KDM1B: variants seen among roughly 807,000 people sequenced by gnomAD.
KDM1B encodes the protein lysine-specific histone demethylase 2.
A neutral mutation model predicts 107.4 loss-of-function variants in KDM1B; 63 were observed. The observed-to-expected ratio is 0.59, with a 90% CI of 0.48 to 0.72. The LOEUF is 0.72. KDM1B is among the 30% of genes least tolerant of loss of function. The probability of loss-of-function intolerance (pLI) is 0.00; values close to 1 mark genes in which losing one functional copy is unlikely to be tolerated. For synonymous variants in KDM1B, 363 were observed against 363.9 expected (o/e 1.00, Z 0.03); for missense variants, 749 against 1,020.8 (o/e 0.73, Z 3.63).
In KDM1B at chr6:18,189,325, C is replaced by T. The variant is rs557916277; in HGVS notation, c.784+1323C>T. Among the ~76,000 whole-genome samples the T allele has an allele frequency of 4.9e-4, 74 of 152,100 alleles. 1 individual carries two copies. The highest frequency in any genetic ancestry group is 3.4e-3 in the Middle Eastern group (1 of 294). On this transcript the variant is annotated intron_variant, in intron 9 of 21. Transcript: ENST00000650836. ...GTAATTCCCAGGGTTAATGAAGATG[C>T]GATGAAGAGGCATTTGACTGCTGTT... is the stretch of plus-strand genomic sequence containing the variant.
chr6:18,223,268 A>G lies in KDM1B; in HGVS notation c.*1276A>G, dbSNP rs1789910307. On this transcript the variant is annotated 3_prime_UTR_variant, in exon 22 of 22. Coordinates refer to ENST00000650836, the MANE Select transcript of KDM1B (RefSeq NM_001364614.2). ...AAAATTTAAAAGTAGGTCAGTTTAT[A>G]ACGAGTAAATACCTAACACACCAAG... 6.6e-6 allele frequency: 1 copy of G among 152,454 alleles called. No homozygotes were observed. The highest frequency in any genetic ancestry group is 2.1e-4 in the South Asian group (1 of 4,828). 9.4% of individuals were successfully genotyped at this position (152,454 alleles called of 1,614,324 possible). A position where few individuals can be genotyped will look rare whatever the true frequency, so the allele number is the denominator to read the frequency against.
chr6:18,159,052 C>T lies in KDM1B; in HGVS notation c.-13-831C>T, dbSNP rs1002762600. Among the ~76,000 whole-genome samples, 2 of 152,182 alleles carry T rather than the reference C, an allele frequency of 1.3e-5. No individual in the cohort carries two copies. Among genetic ancestry groups the T allele is most frequent in the Admixed American group, 1.3e-4 (2 of 15,272 alleles). ...GCACAATCTCGGCTCACTGCAACCT[C>T]CGCCTCCCTGGTTCAGGCGATTCTC... On this transcript the variant is annotated intron_variant, in intron 2 of 21. Coordinates refer to ENST00000650836, the MANE Select transcript of KDM1B (RefSeq NM_001364614.2). This position sits in a 1 kb window ranked among gnomAD's most constrained non-coding sequence, Gnocchi z 4.5.
chr6:18,164,914 G>A (rs1038120098), intron 5 of KDM1B, among the ~76,000 whole-genome samples: 3 of 152,084 alleles, frequency 2.0e-5, no homozygotes, highest in African/African-American at 7.2e-5. Context: ...CCAAAGTGCT[G>A]GGATTACAGG....
chr6:18,163,138 TG>T (rs1240225738), intron 5 of KDM1B, among the ~76,000 whole-genome samples: 1 of 139,912 alleles, frequency 7.1e-6, no homozygotes, highest in Non-Finnish European at 1.5e-5. Context: ...AAAAAATATC[TG>T]CCATTTCTTT....
intron 16 of KDM1B, 123 bp from the exon 17 acceptor site, chr6:18,208,009 G>A: frequency 1.3e-6 from 1 of 743,504 alleles, no homozygotes. Context: ...TTAGATCTCT[G>A]AATGCCAGGA....
In KDM1B at chr6:18,197,358, C is replaced by A; in HGVS notation, c.1146+125C>A. 1.0e-6 allele frequency: 1 copy of A among 955,732 alleles called. No homozygotes were observed. The allele number at this position is 955,732 out of a possible 1,614,324, so 59.2% of individuals were successfully genotyped here. Reference sequence around the variant, plus strand: ...AAACTTAACAGAAGCAAGGCTTTCGCAGAATGTGTTTCTCCTGAAAGGAGA... The same window carrying A: ...AAACTTAACAGAAGCAAGGCTTTCGAAGAATGTGTTTCTCCTGAAAGGAGA... On this transcript the variant is annotated intron_variant, in intron 11 of 21. Coordinates refer to ENST00000650836, the MANE Select transcript of KDM1B (RefSeq NM_001364614.2). The surrounding 1 kb of genome is among the most constrained non-coding windows in gnomAD (Gnocchi z 4.5).
intron 3 of KDM1B, 29 bp downstream of exon 3, chr6:18,160,011 C>G (rs187201298): frequency 7.0e-7 from 1 of 1,423,694 alleles, no homozygotes; most frequent in Non-Finnish European, 9.7e-7. Context: ...TTCAACAAGC[C>G]TTTTTTGAGC....
At chr6:18,166,410 T>G in intron 6 of KDM1B, 32 bp downstream of exon 6, 1 of 1,282,188 alleles carries the variant, frequency 7.8e-7, no homozygotes, top group Non-Finnish European at 1.1e-6. Flanking sequence ...GTCTGTGAAG[T>G]ATTTGTGGAG....
rs1784839935 is a variant in KDM1B at position 18,159,575 on chromosome 6, G to A, written c.-13-308G>A. On this transcript the variant is annotated intron_variant, in intron 2 of 21. Transcript: ENST00000650836. The surrounding 1 kb of genome is among the most constrained non-coding windows in gnomAD (Gnocchi z 4.5). ...AATGCTTATGGTGCCCATTTTATGT[G>A]TGAGAACACTGAGGCTTAGAGAGGT... 1.3e-5 allele frequency among the ~76,000 whole-genome samples: 2 copies of A among 152,180 alleles called. No homozygotes were observed. Among genetic ancestry groups the A allele is most frequent in the Non-Finnish European group, 1.5e-5 (1 of 68,042 alleles).
At chr6:18,208,882 C>A (rs1788615895) in intron 17 of KDM1B, among the ~76,000 whole-genome samples, 1 of 150,488 alleles carries the variant, frequency 6.6e-6, no homozygotes, top group Non-Finnish European at 1.5e-5. Context: ...TCTCGATCTC[C>A]TGACCTCATG....
At chr6:18,208,802 G>A (rs1201959936) in intron 17 of KDM1B, among the ~76,000 whole-genome samples, 24 of 138,038 alleles carry the variant, frequency 1.7e-4, no homozygotes, top group Admixed American at 7.6e-4. Flanking sequence ...CCGCCATCAC[G>A]CCTGGCTAAT....
rs199601250 is a variant in KDM1B at position 18,219,353 on chromosome 6, TTC to T, written c.2385+1472_2385+1473del. 2.2e-3 allele frequency among the ~76,000 whole-genome samples: 335 copies of T among 152,364 alleles called. 3 individuals carry two copies. Among genetic ancestry groups the T allele is most frequent in the Admixed American group, 0.019 (286 of 15,300 alleles). On this transcript the variant is annotated intron_variant, in intron 21 of 21. Transcript: ENST00000650836. Reference sequence around the variant, plus strand: ...ATCTGCTAAAATAAAGATGAGTTTTTTCTCTTTCTTTCTAGAGATTCTGTTCC... The same window carrying T: ...ATCTGCTAAAATAAAGATGAGTTTTTTCTTTCTTTCTAGAGATTCTGTTCC...
At chr6:18,196,564 T>G (rs534486051) in intron 10 of KDM1B, among the ~76,000 whole-genome samples, 7 of 152,300 alleles carry the variant, frequency 4.6e-5, no homozygotes, top group Admixed American at 4.6e-4. Flanking sequence ...TCCTTGATGA[T>G]TAGTGATGGT....
chr6:18,221,970 C>G lies in KDM1B; in HGVS notation c.2447C>G (p.Ala816Gly). Residue 816 changes from alanine to glycine, a missense_variant, in exon 22 of 22, where the codon GCA (alanine) becomes GGA (glycine). Transcript: ENST00000650836. ...GCATATTTGAGTGGCGTTCGAGAAG[C>G]AAGCAAGATTGCAGCATTTTAAGAA... ...TGAYLSGVRE[A>G]SKIAAF is the part of the protein sequence containing the mutation. 1 of 1,613,952 alleles carries G rather than the reference C, an allele frequency of 6.2e-7. No homozygotes were observed. Among genetic ancestry groups the G allele is most frequent in the Non-Finnish European group, 8.5e-7 (1 of 1,179,920 alleles).
At chr6:18,161,965 G>T (rs1401935212) in intron 4 of KDM1B, among the ~76,000 whole-genome samples, 2 of 151,716 alleles carry the variant, frequency 1.3e-5, no homozygotes, top group Non-Finnish European at 2.9e-5. Context: ...ACTTCCAGAG[G>T]AAAATATTCA....
rs1305668402 is a variant in KDM1B, at chr6:18,203,221, G to A, written c.1531+1564G>A. 2.0e-5 allele frequency among the ~76,000 whole-genome samples: 3 copies of A among 152,160 alleles called. No individual in the cohort carries two copies. Among genetic ancestry groups the A allele is most frequent in the East Asian group, 1.9e-4 (1 of 5,192 alleles). On this transcript the variant is annotated intron_variant, in intron 14 of 21. Transcript: ENST00000650836. The surrounding 1 kb of genome is among the most constrained non-coding windows in gnomAD (Gnocchi z 5.5). The stretch of plus-strand genomic sequence containing the variant: ...AAGTCCAGGAGTTAGAGACTGTGGT[G>A]AGCTGTGATCTCGCCACTGCACCTC...
chr6:18,221,924 T>C lies in KDM1B; in HGVS notation c.2401T>C (p.Phe801Leu), dbSNP rs1219680192. ...FFAGEATNRH[F>L]PQTVTGAYLS... ...TGTTTTACAGGCAACAAACAGGCAT[T>C]TCCCACAAACTGTTACAGGGGCATA... Residue 801 changes from phenylalanine to leucine, a missense_variant, in exon 22 of 22, where the codon TTC (phenylalanine) becomes CTC (leucine). Coordinates refer to ENST00000650836, the MANE Select transcript of KDM1B (RefSeq NM_001364614.2). The C allele has an allele frequency of 1.2e-6, 2 of 1,604,212 alleles. No individual in the cohort carries two copies. Among genetic ancestry groups the C allele is most frequent in the South Asian group, 2.2e-5 (2 of 90,048 alleles).
intron 20 of KDM1B, among the ~76,000 whole-genome samples, chr6:18,216,487 T>A (rs2151038533): frequency 6.6e-6 from 1 of 152,330 alleles, no homozygotes; most frequent in East Asian, 1.9e-4. Context: ...GAACTTAGCT[T>A]ACCGTTTCTA....
rs1330602287 is a variant in KDM1B at position 18,204,239 on chromosome 6, C to T, written c.1532-1298C>T. On this transcript the variant is annotated intron_variant, in intron 14 of 21. Coordinates refer to ENST00000650836, the MANE Select transcript of KDM1B (RefSeq NM_001364614.2). This position sits in a 1 kb window ranked among gnomAD's most constrained non-coding sequence, Gnocchi z 4.9. The stretch of plus-strand genomic sequence containing the variant: ...TGGGATTACACCTGTAATCCCAGCA[C>T]TTCGGGAGGCTGAGGTGGGTAGATT... 6.6e-6 allele frequency among the ~76,000 whole-genome samples: 1 copy of T among 152,112 alleles called. No individual in the cohort carries two copies. The highest frequency in any genetic ancestry group is 2.4e-5 in the African/African-American group (1 of 41,414).
Sources: allele counts gnomAD v4.1 joint callset (sites outside exome capture counted in the v4.1 genomes callset), GRCh38; gene constraint gnomAD v4.1.1; non-coding constraint Gnocchi (gnomAD v3.1); transcripts MANE v1.5; gene names NCBI Gene and HGNC (gene_info 2026-07-23, HGNC 2026-07-21).